Variants in HMCN1 observed in about 807,000 individuals in gnomAD.
HMCN1 encodes the protein hemicentin 1.
A neutral mutation model predicts 625.9 loss-of-function variants in HMCN1; 321 were observed. The ratio of observed to expected loss-of-function variants is 0.51; its 90% confidence interval spans 0.47 to 0.56. The LOEUF (loss-of-function observed/expected upper bound fraction) is 0.56, where lower values mean the gene tolerates loss of function less well. Ranked by LOEUF, HMCN1 falls within the 20% of genes least tolerant of loss-of-function variation. The pLI is 0.00. For synonymous variants in HMCN1, 2,425 were observed against 2,417.6 expected, an observed-to-expected ratio of 1.00 and a Z score of -0.09; for missense variants, 6,588 against 6,887.3, an observed-to-expected ratio of 0.96 and a Z score of 1.54.
chr1:186,048,377 T>G (rs1656718847), intron 41 of HMCN1, among the ~76,000 whole-genome samples: 1 of 152,130 alleles, frequency 6.6e-6, no homozygotes, highest in African/African-American at 2.4e-5. Flanking sequence ...GTCTCAAGAA[T>G]AAGGCTGTTA....
At chr1:185,960,130 T>A (rs1487538158) in intron 11 of HMCN1, among the ~76,000 whole-genome samples, 2 of 148,424 alleles carry the variant, frequency 1.3e-5, no homozygotes, top group Admixed American at 6.7e-5. Flanking sequence ...TATTCTTTTT[T>A]TTTTTTTTTT....
At chr1:185,829,444 T>C (rs1385944305) in intron 1 of HMCN1, among the ~76,000 whole-genome samples, 3 of 152,100 alleles carry the variant, frequency 2.0e-5, no homozygotes, top group Non-Finnish European at 4.4e-5. Flanking sequence ...GGGTGTGTCA[T>C]TCCCCCCTCT....
intron 38 of HMCN1, among the ~76,000 whole-genome samples, 190 bp downstream of exon 38, chr1:186,039,195 C>T (rs1351250241): frequency 6.6e-6 from 1 of 152,176 alleles, no homozygotes; most frequent in African/African-American, 2.4e-5. Context: ...TTTCCACATG[C>T]TGTTGACTTA....
Position 186,119,794 on chromosome 1 carries a change from C to T in HMCN1, c.12006C>T (p.Asn4002=), listed in dbSNP as rs758672862. Residue 4002 remains asparagine (N), a synonymous_variant, in exon 79 of 107, where the codon AAC becomes AAT. Coordinates refer to ENST00000271588, the MANE Select transcript of HMCN1 (RefSeq NM_031935.3). ...PQPSELHVIL[N]NPILLPCEAT... is the part of the protein sequence containing the mutation. ...CAAGTGAACTACACGTCATTCTGAA[C>T]AATCCTATTTTATTACCATGTGAAG... 6.8e-6 allele frequency: 11 copies of T among 1,613,928 alleles called. No individual in the cohort carries two copies. The highest frequency in any genetic ancestry group is 6.7e-5 in the African/African-American group (5 of 74,906).
intron 11 of HMCN1, chr1:185,957,001 A>G (rs571932181): frequency 6.6e-6 from 1 of 152,380 alleles, no homozygotes; most frequent in South Asian, 2.1e-4. Context: ...CAATAGATGT[A>G]TAATTCCTTA....
Position 186,190,451 on chromosome 1 carries a change from CA to C in HMCN1, c.*576del. 5.0e-6 allele frequency: 1 copy of C among 198,770 alleles called. No homozygotes were observed. Among genetic ancestry groups the C allele is most frequent in the Non-Finnish European group, 1.0e-5 (1 of 96,286 alleles). The allele number at this position is 198,770 out of a possible 1,614,324, so 12.3% of individuals were successfully genotyped here. The stretch of plus-strand genomic sequence containing the variant: ...AGCTACTATAAGGCTTGTTTGATCC[CA>C]AATGGTGCTTATCTTGATTGAACAT... On this transcript the variant is annotated 3_prime_UTR_variant, in exon 107 of 107. Coordinates refer to ENST00000271588, the MANE Select transcript of HMCN1 (RefSeq NM_031935.3).
At chr1:186,187,712 C>CAGGTGT (rs1281173703) in intron 105 of HMCN1, among the ~76,000 whole-genome samples, 171 bp from the exon 106 acceptor site, 3 of 151,994 alleles carry the variant, frequency 2.0e-5, no homozygotes, top group Admixed American at 2.0e-4. Flanking sequence ...ATAACCCTGC[C>CAGGTGT]AGGTGTCATG....
chr1:185,970,307 T>C, intron 14 of HMCN1, 28 bp from the exon 15 acceptor site: 1 of 1,601,118 alleles, frequency 6.2e-7, no homozygotes, highest in Non-Finnish European at 8.6e-7. Flanking sequence ...CTTTAGTGTT[T>C]AATGTTCTCC....
intron 44 of HMCN1, among the ~76,000 whole-genome samples, 194 bp downstream of exon 44, chr1:186,054,180 G>A (rs2102282558): frequency 6.6e-6 from 1 of 152,116 alleles, no homozygotes; most frequent in South Asian, 2.1e-4. Context: ...CGGCATTACA[G>A]CTGTCCACTC....
intron 103 of HMCN1, 107 bp from the exon 104 acceptor site, chr1:186,178,309 G>A (rs1026822586): frequency 9.6e-6 from 8 of 834,300 alleles, no homozygotes; most frequent in Non-Finnish European, 1.6e-5. Flanking sequence ...GCTTTGGAGG[G>A]TAACAATGTC....
Position 186,171,515 on chromosome 1 carries a change from A to G in HMCN1, c.15688+65A>G. The stretch of plus-strand genomic sequence containing the variant: ...ATAACTTCTTAATGATGTCTGATCT[A>G]AATGCATACACTGTGTCTTGGTACT... On this transcript the variant is annotated intron_variant, in intron 101 of 106. Coordinates refer to ENST00000271588, the MANE Select transcript of HMCN1 (RefSeq NM_031935.3). The G allele has an allele frequency of 2.6e-6, 3 of 1,154,842 alleles. No homozygotes were observed. The South Asian group carries it at 3.7e-5, about 14-fold the overall frequency. 71.5% of individuals were successfully genotyped at this position (1,154,842 alleles called of 1,614,324 possible). A position where few individuals can be genotyped will look rare whatever the true frequency, so the allele number is the denominator to read the frequency against.
At chr1:185,944,162 G>GAA (rs5779267) in intron 11 of HMCN1, among the ~76,000 whole-genome samples, 11 of 147,220 alleles carry the variant, frequency 7.5e-5, no homozygotes, top group Middle Eastern at 3.5e-3. Context: ...AGGAAAGTGG[G>GAA]AAAAAAAAAA....
At position 186,137,547 on chromosome 1, in the gene HMCN1, C is replaced by T; in HGVS notation, c.13632C>T (p.Thr4544=). 1 of 1,613,794 alleles carries T rather than the reference C, an allele frequency of 6.2e-7. No homozygotes were observed. The highest frequency in any genetic ancestry group is 8.5e-7 in the Non-Finnish European group (1 of 1,179,912). The change falls in exon 88 of 107, where the codon ACC becomes ACT. Residue 4544 remains threonine (T), a synonymous_variant. Coordinates refer to ENST00000271588, the MANE Select transcript of HMCN1 (RefSeq NM_031935.3). Reference sequence around the variant, plus strand: ...CTGCATGGAGAGCCTGCAGTGTCACCTGTGGAAAAGGCATCCAAAAGAGGA... The same window carrying T: ...CTGCATGGAGAGCCTGCAGTGTCACTTGTGGAAAAGGCATCCAAAAGAGGA... The part of the protein sequence containing the change: ...QWSAWRACSV[T]CGKGIQKRSR...
chr1:185,888,784 C>G (rs1232267213), intron 4 of HMCN1, among the ~76,000 whole-genome samples: 3 of 144,440 alleles, frequency 2.1e-5, no homozygotes, highest in Non-Finnish European at 4.5e-5. Context: ...ATTGACTTGG[C>G]GATGCGGGCT....
At chr1:186,139,121 A>G (rs1055740572) in intron 89 of HMCN1, among the ~76,000 whole-genome samples, 3 of 152,218 alleles carry the variant, frequency 2.0e-5, no homozygotes, top group African/African-American at 4.8e-5. Context: ...TATTCACTAC[A>G]TTGGGTATTG....
At chr1:186,079,844 A>C (rs550848494) in intron 55 of HMCN1, among the ~76,000 whole-genome samples, 3 of 152,136 alleles carry the variant, frequency 2.0e-5, no homozygotes, top group Non-Finnish European at 4.4e-5. Context: ...CTGGTCCCCA[A>C]ATTCTGAGTT....
intron 1 of HMCN1, among the ~76,000 whole-genome samples, chr1:185,837,226 A>G (rs888283874): frequency 3.9e-5 from 6 of 151,976 alleles, no homozygotes; most frequent in Non-Finnish European, 7.4e-5. Flanking sequence ...TGTTGTAACC[A>G]TTCACAATCT....
chr1:186,083,286 A>G (rs1659280126), intron 57 of HMCN1, among the ~76,000 whole-genome samples: 1 of 152,132 alleles, frequency 6.6e-6, no homozygotes. Flanking sequence ...TCCTACTCAT[A>G]AAAATCTATC....
intron 36 of HMCN1, among the ~76,000 whole-genome samples, chr1:186,025,939 C>T (rs895721820): frequency 6.6e-6 from 1 of 152,172 alleles, no homozygotes; most frequent in South Asian, 2.1e-4. Flanking sequence ...GACTTGTGTA[C>T]ATAACAGTTC....
Sources: gnomAD v4.1 joint callset for allele counts (sites outside exome capture counted in the v4.1 genomes callset) on GRCh38, gnomAD v4.1.1 for gene constraint, MANE v1.5 for transcripts, NCBI Gene and HGNC (gene_info 2026-07-23, HGNC 2026-07-21) for gene names.